Variants in DTNA observed in about 807,000 individuals in gnomAD.
DTNA encodes dystrobrevin alpha, also known as dystrophin-related protein 3.
Under a neutral mutation model 100.7 loss-of-function variants are expected in DTNA, and 43 were observed. That is an observed-to-expected ratio of 0.43 (90% CI 0.33 to 0.55). DTNA has a LOEUF of 0.55. Ranked by LOEUF, DTNA falls within the 20% of genes least tolerant of loss-of-function variation. The probability of loss-of-function intolerance (pLI) is 0.04; values close to 1 mark genes in which losing one functional copy is unlikely to be tolerated. For synonymous variants in DTNA, 349 were observed against 347.9 expected (o/e 1.00, Z -0.04); for missense variants, 798 against 953.9 (o/e 0.84, Z 2.15).
At chr18:34,646,136 A>G (rs1325990305) in intron 1 of DTNA, among the ~76,000 whole-genome samples, 1 of 152,198 alleles carries the variant, frequency 6.6e-6, no homozygotes, top group Non-Finnish European at 1.5e-5. Flanking sequence ...TCAATATTTT[A>G]AAAGGTCATC....
At chr18:34,869,897 T>A (rs1478048177) in intron 17 of DTNA, among the ~76,000 whole-genome samples, 4 of 152,156 alleles carry the variant, frequency 2.6e-5, no homozygotes, top group Non-Finnish European at 5.9e-5. Flanking sequence ...GGCAGGCGCC[T>A]GTAGTCCCAG....
intron 1 of DTNA, among the ~76,000 whole-genome samples, chr18:34,618,177 C>T (rs995396466): frequency 6.6e-5 from 10 of 152,036 alleles, no homozygotes; most frequent in African/African-American, 1.9e-4. Context: ...GGTCAAGAGT[C>T]GAACTCAATC....
chr18:34,557,055 A>G (rs2046135550), intron 1 of DTNA, among the ~76,000 whole-genome samples: 1 of 150,878 alleles, frequency 6.6e-6, no homozygotes, highest in South Asian at 2.1e-4. Flanking sequence ...TATTTCTTGG[A>G]GGCTTTGCTC....
At chr18:34,573,911 T>C (rs2047848228) in intron 1 of DTNA, 1 of 152,256 alleles carries the variant, frequency 6.6e-6, no homozygotes, top group South Asian at 2.1e-4. Context: ...CTCTTTTAGA[T>C]TCTACATATA....
intron 1 of DTNA, among the ~76,000 whole-genome samples, chr18:34,558,611 T>G (rs1244130327): frequency 6.6e-6 from 1 of 152,112 alleles, no homozygotes; most frequent in African/African-American, 2.4e-5. Flanking sequence ...ATAAAGCCGT[T>G]GAAGAGAAGA....
intron 17 of DTNA, among the ~76,000 whole-genome samples, chr18:34,871,437 T>A (rs1364448470): frequency 1.3e-5 from 2 of 152,230 alleles, no homozygotes; most frequent in African/African-American, 2.4e-5. Context: ...ATAAATCAAC[T>A]CTCTCCTTGG....
chr18:34,518,611 G>A (rs2041875949), intron 1 of DTNA, among the ~76,000 whole-genome samples: 5 of 149,856 alleles, frequency 3.3e-5, no homozygotes, highest in South Asian at 4.2e-4. Flanking sequence ...TGAGATTTAG[G>A]TTGAGGCTTA....
At chr18:34,580,191 A>G (rs924186603) in intron 1 of DTNA, among the ~76,000 whole-genome samples, 1 of 152,044 alleles carries the variant, frequency 6.6e-6, no homozygotes, top group Admixed American at 6.6e-5. Flanking sequence ...CCATATATCT[A>G]TTGAAATTTC....
At chr18:34,824,345 G>A (rs767264287) in intron 9 of DTNA, among the ~76,000 whole-genome samples, 8 of 152,088 alleles carry the variant, frequency 5.3e-5, no homozygotes, top group Non-Finnish European at 1.2e-4. Context: ...GCGTGGTGGT[G>A]GGCGCCTGTA....
chr18:34,703,277 T>C (rs1184345224), intron 1 of DTNA, among the ~76,000 whole-genome samples: 1 of 152,222 alleles, frequency 6.6e-6, no homozygotes, highest in Non-Finnish European at 1.5e-5. Flanking sequence ...TGATGAATAA[T>C]ATAGAATGTT....
At chr18:34,798,811 T>G (rs942667484) in intron 4 of DTNA, among the ~76,000 whole-genome samples, 4 of 152,180 alleles carry the variant, frequency 2.6e-5, no homozygotes, top group Non-Finnish European at 5.9e-5. Flanking sequence ...CTTACTGACT[T>G]GGCCCTATAT....
chr18:34,606,052 C>A (rs924496365), intron 1 of DTNA, among the ~76,000 whole-genome samples: 2 of 151,992 alleles, frequency 1.3e-5, no homozygotes, highest in African/African-American at 4.8e-5. Context: ...CTATGAATGA[C>A]CTTCAAGATA....
At chr18:34,625,627 A>C (rs1316493690) in intron 1 of DTNA, among the ~76,000 whole-genome samples, 1 of 152,236 alleles carries the variant, frequency 6.6e-6, no homozygotes, top group African/African-American at 2.4e-5. Context: ...ATACACTTAT[A>C]TATACACAAA....
intron 1 of DTNA, among the ~76,000 whole-genome samples, chr18:34,531,764 T>C (rs1269344030): frequency 6.6e-6 from 1 of 152,146 alleles, no homozygotes; most frequent in Non-Finnish European, 1.5e-5. Flanking sequence ...TTCTGACTTT[T>C]GGTTTCAAAA....
intron 1 of DTNA, among the ~76,000 whole-genome samples, chr18:34,700,799 T>G (rs1166064075): frequency 1.3e-5 from 2 of 152,222 alleles, no homozygotes; most frequent in Non-Finnish European, 2.9e-5. Context: ...GCATCATGCT[T>G]CTTCTCCCAC....
intron 17 of DTNA, among the ~76,000 whole-genome samples, chr18:34,864,355 A>T (rs1381953727): frequency 6.9e-6 from 1 of 144,990 alleles, no homozygotes; most frequent in Admixed American, 7.3e-5. Flanking sequence ...GGTTCACGCC[A>T]TTCTCCTGCC....
intron 1 of DTNA, among the ~76,000 whole-genome samples, chr18:34,663,698 A>G (rs2075515829): frequency 6.6e-6 from 1 of 152,184 alleles, no homozygotes; most frequent in South Asian, 2.1e-4. Context: ...TTGTCACCAG[A>G]AAAAACAACT....
At chr18:34,740,556 G>A (rs779864534) in intron 1 of DTNA, among the ~76,000 whole-genome samples, 5 of 152,130 alleles carry the variant, frequency 3.3e-5, no homozygotes, top group Non-Finnish European at 5.9e-5. Flanking sequence ...GGTCTCAAAA[G>A]TGTGGGAGGA....
intron 1 of DTNA, among the ~76,000 whole-genome samples, chr18:34,552,366 T>A (rs947471665): frequency 3.3e-5 from 5 of 151,668 alleles, no homozygotes; most frequent in South Asian, 2.1e-4. Context: ...GTTTGCTTAT[T>A]TTTTTTTAAC....
Sources: gnomAD v4.1 joint callset for allele counts (sites outside exome capture counted in the v4.1 genomes callset) on GRCh38, gnomAD v4.1.1 for gene constraint, MANE v1.5 for transcripts, NCBI Gene and HGNC (gene_info 2026-07-23, HGNC 2026-07-21) for gene names.